Variants in A1CF observed in about 807,000 individuals in gnomAD.
A1CF encodes the protein APOBEC1 complementation factor, also known as APOBEC-1 stimulating protein.
A neutral mutation model predicts 68.9 loss-of-function variants in A1CF; 48 were observed. The observed-to-expected ratio is 0.70, with a 90% CI of 0.55 to 0.89. The LOEUF (loss-of-function observed/expected upper bound fraction) is 0.89, where lower values mean the gene tolerates loss of function less well. A1CF is among the 40% of genes least tolerant of loss of function. A1CF has a pLI of 0.00. For missense variants in A1CF, 653 were observed against 718.9 expected (o/e 0.91, Z 1.05); for synonymous variants, 272 against 260.4 (o/e 1.04, Z -0.43).
intron 1 of A1CF, among the ~76,000 whole-genome samples, chr10:50,881,468 T>C (rs1323945537): frequency 6.6e-6 from 1 of 152,220 alleles, no homozygotes; most frequent in East Asian, 1.9e-4. Context: ...CTAGGCATAC[T>C]GAATTGACAT....
At chr10:50,868,229 G>A (rs775791306) in intron 1 of A1CF, among the ~76,000 whole-genome samples, 1 of 152,160 alleles carries the variant, frequency 6.6e-6, no homozygotes, top group Non-Finnish European at 1.5e-5. Context: ...GGAATTTTAC[G>A]TGAAAGAAAT....
chr10:50,810,154 G>T, intron 11 of A1CF, 112 bp from the exon 12 acceptor site: 1 of 1,258,570 alleles, frequency 7.9e-7, no homozygotes, highest in Non-Finnish European at 1.1e-6. Flanking sequence ...TATTTTGAGT[G>T]GGTGTTTTTC....
intron 6 of A1CF, among the ~76,000 whole-genome samples, chr10:50,829,453 A>G (rs1352624651): frequency 6.6e-6 from 1 of 152,166 alleles, no homozygotes; most frequent in Non-Finnish European, 1.5e-5. Flanking sequence ...TATTTGTTTA[A>G]TTACTACACA....
intron 1 of A1CF, among the ~76,000 whole-genome samples, chr10:50,877,279 T>A (rs938021625): frequency 1.3e-5 from 2 of 152,248 alleles, no homozygotes; most frequent in African/African-American, 4.8e-5. Context: ...TGGTATATTA[T>A]AGAGACCTGA....
At chr10:50,845,782 C>T (rs961503138) in intron 3 of A1CF, among the ~76,000 whole-genome samples, 1 of 151,924 alleles carries the variant, frequency 6.6e-6, no homozygotes, top group Non-Finnish European at 1.5e-5. Context: ...GGTGAAACCC[C>T]ATCTCTACTA....
rs935998778 is a variant in A1CF, at chr10:50,803,988, A to G, written c.*2741T>C. On this transcript the variant is annotated 3_prime_UTR_variant, in exon 13 of 13. Coordinates refer to ENST00000373997, the MANE Select transcript of A1CF (RefSeq NM_014576.4). ...CCGTTGTCTTAATAATTTTAAACTT[A>G]TGGTAGCAGGACTTGCTCTATCTAC... 1 of 152,206 alleles carries G rather than the reference A, an allele frequency of 6.6e-6. No homozygotes were observed. The highest frequency in any genetic ancestry group is 1.5e-5 in the Non-Finnish European group (1 of 68,018). The allele number at this position is 152,206 out of a possible 1,614,324, so 9.4% of individuals were successfully genotyped here.
At position 50,872,587 on chromosome 10, in the gene A1CF, A is replaced by G. The variant is rs1386891132; in HGVS notation, c.-93-8507T>C. On this transcript the variant is annotated intron_variant, in intron 1 of 12. Transcript: ENST00000373997. Reference sequence around the variant, plus strand: ...GTTGCTGTGAAGAACACAGGACACCATAATGAACCAATGAGGGGGATGCTG... The same window carrying G: ...GTTGCTGTGAAGAACACAGGACACCGTAATGAACCAATGAGGGGGATGCTG... Among the ~76,000 whole-genome samples the G allele has an allele frequency of 3.3e-5, 5 of 152,314 alleles. No individual in the cohort carries two copies. The South Asian group carries it at 1.0e-3, about 32-fold the overall frequency.
intron 6 of A1CF, among the ~76,000 whole-genome samples, chr10:50,833,232 T>C (rs1297014241): frequency 1.3e-5 from 2 of 152,170 alleles, no homozygotes; most frequent in African/African-American, 2.4e-5. Context: ...TGTGCAGTCC[T>C]GGGAGTAGTA....
Position 50,816,170 on chromosome 10 carries a change from T to C in A1CF, c.977A>G (p.Glu326Gly), listed in dbSNP as rs1445875565. 4.3e-6 allele frequency: 7 copies of C among 1,613,666 alleles called. No individual in the cohort carries two copies. The highest frequency in any genetic ancestry group is 5.9e-6 in the Non-Finnish European group (7 of 1,179,860). Residue 326 changes from glutamate to glycine, a missense_variant, in exon 9 of 13, where the codon GAG becomes GGG. By Grantham distance (98) the Glu-to-Gly change is moderately conservative. Coordinates refer to ENST00000373997, the MANE Select transcript of A1CF (RefSeq NM_014576.4). ...TGGRGTMLQG[E>G]YTYSLGQVYD... is the part of the protein sequence containing the mutation. The stretch of plus-strand genomic sequence containing the variant: ...AACTTGGCCCAAAGAGTAGGTATAC[T>C]CTCCTTGCAGCATGGTGCCCCTTCC...
intron 1 of A1CF, among the ~76,000 whole-genome samples, chr10:50,872,675 A>G (rs984750005): frequency 6.6e-6 from 1 of 152,124 alleles, no homozygotes; most frequent in Admixed American, 6.6e-5. Context: ...ATGGTAACTT[A>G]GCCTCTTTGC....
Position 50,800,300 on chromosome 10 carries a change from T to A in A1CF, c.*6429A>T, listed in dbSNP as rs2132278471. ...CTATTTTTGCATAGTCCTTTATATT[T>A]CTCCTGGGGGAAATATTTGAAAACT... On this transcript the variant is annotated 3_prime_UTR_variant, in exon 13 of 13. Coordinates refer to ENST00000373997, the MANE Select transcript of A1CF (RefSeq NM_014576.4). The A allele has an allele frequency of 6.6e-6, 1 of 152,278 alleles. No individual in the cohort carries two copies. Among genetic ancestry groups the A allele is most frequent in the Non-Finnish European group, 1.5e-5 (1 of 67,994 alleles). The allele number at this position is 152,278 out of a possible 1,614,324, so 9.4% of individuals were successfully genotyped here.
chr10:50,884,070 A>G (rs1360355535), intron 1 of A1CF, among the ~76,000 whole-genome samples: 1 of 152,208 alleles, frequency 6.6e-6, no homozygotes, highest in Non-Finnish European at 1.5e-5. Flanking sequence ...AAAACCTGCT[A>G]TAACTTTTCT....
chr10:50,852,580 C>T (rs924795534), intron 3 of A1CF, among the ~76,000 whole-genome samples: 1 of 152,132 alleles, frequency 6.6e-6, no homozygotes, highest in South Asian at 2.1e-4. Flanking sequence ...GGTATCCGTG[C>T]ACTTGGTGAA....
At chr10:50,841,123 A>T (rs910532536) in intron 5 of A1CF, among the ~76,000 whole-genome samples, 4 of 152,198 alleles carry the variant, frequency 2.6e-5, no homozygotes, top group African/African-American at 4.8e-5. Flanking sequence ...GGAATGTTTA[A>T]AAAACTATAA....
At chr10:50,866,347 G>T (rs1840989548) in intron 1 of A1CF, among the ~76,000 whole-genome samples, 1 of 152,198 alleles carries the variant, frequency 6.6e-6, no homozygotes, top group African/African-American at 2.4e-5. Context: ...AGAAAACAAA[G>T]ATCTAGAAAT....
At chr10:50,825,110 C>T (rs1021416735) in intron 7 of A1CF, among the ~76,000 whole-genome samples, 11 of 152,280 alleles carry the variant, frequency 7.2e-5, no homozygotes, top group African/African-American at 2.6e-4. Flanking sequence ...GAATGTCCTT[C>T]AGAGCAAATC....
chr10:50,850,649 A>C, intron 3 of A1CF: 2 of 1,613,918 alleles, frequency 1.2e-6, no homozygotes, highest in Non-Finnish European at 1.7e-6. Context: ...ACTCACTTCT[A>C]AGACCCTCTG....
intron 3 of A1CF, among the ~76,000 whole-genome samples, chr10:50,857,011 C>T (rs893516222): frequency 1.7e-4 from 26 of 152,026 alleles, no homozygotes; most frequent in Non-Finnish European, 5.9e-5. Flanking sequence ...GTAAGATTAT[C>T]TCCATTGTTA....
intron 1 of A1CF, among the ~76,000 whole-genome samples, chr10:50,885,205 A>G (rs1170379654): frequency 6.6e-6 from 1 of 152,122 alleles, no homozygotes; most frequent in African/African-American, 2.4e-5. Context: ...TGTTAATACT[A>G]TTTCTTTTGT....
Sources: allele counts gnomAD v4.1 joint callset (sites outside exome capture counted in the v4.1 genomes callset), GRCh38; gene constraint gnomAD v4.1.1; transcripts MANE v1.5; gene names NCBI Gene and HGNC (gene_info 2026-07-23, HGNC 2026-07-21).